The following DSCAM variants were observed in gnomAD, a reference collection of about 807,000 sequenced individuals.
The protein encoded by DSCAM is DS cell adhesion molecule.
DSCAM carries 47 observed loss-of-function variants against 217.7 expected under a neutral mutation model. The observed-to-expected ratio is 0.22, with a 90% confidence interval of 0.17 to 0.28. The LOEUF is 0.28. Ranked by LOEUF, DSCAM falls within the 10% of genes least tolerant of loss-of-function variation. The pLI, the probability that DSCAM is intolerant of heterozygous loss-of-function variation, is 1.00. For missense variants in DSCAM, 2,080 were observed against 2,618.3 expected, an observed-to-expected ratio of 0.79 and a Z score of 4.49; for synonymous variants, 1,056 against 1,015.3, an observed-to-expected ratio of 1.04 and a Z score of -0.76.
At chr21:40,062,325 G>A (rs140867200) in intron 28 of DSCAM, among the ~76,000 whole-genome samples, 1 of 152,292 alleles carries the variant, frequency 6.6e-6, no homozygotes, top group Non-Finnish European at 1.5e-5. Flanking sequence ...GGCAACTACT[G>A]TGCTGGCTAC....
intron 3 of DSCAM, among the ~76,000 whole-genome samples, chr21:40,590,950 G>A (rs1484995258): frequency 2.7e-5 from 4 of 150,696 alleles, no homozygotes; most frequent in East Asian, 1.9e-4. Context: ...TGGTTTGGCC[G>A]TGTCCCCACC....
intron 26 of DSCAM, among the ~76,000 whole-genome samples, chr21:40,077,244 T>C (rs1351349513): frequency 2.6e-5 from 4 of 152,160 alleles, no homozygotes; most frequent in Non-Finnish European, 4.4e-5. Flanking sequence ...GCTCAAGGTC[T>C]TCCTACAGCC....
rs770451823 is a variant in DSCAM, at chr21:40,079,020, G to A, written c.4421-43C>T. The A allele has an allele frequency of 7.5e-6, 12 of 1,590,500 alleles. No homozygotes were observed. In the South Asian group the frequency reaches 1.4e-4, roughly 18 times the overall value. On this transcript the variant is annotated intron_variant, in intron 25 of 32. Transcript: ENST00000400454. ...TGGAGGTCAGCTCACAGGACACATG[G>A]GGAGGCCATCAGCATCTTCACGCAT...
chr21:40,485,367 C>A (rs970918508), intron 3 of DSCAM, among the ~76,000 whole-genome samples: 18 of 151,528 alleles, frequency 1.2e-4, no homozygotes, highest in African/African-American at 4.1e-4. Flanking sequence ...CTCAGCCTCC[C>A]GAGTAGCTGG....
At chr21:40,831,158 C>T (rs937344659) in intron 1 of DSCAM, among the ~76,000 whole-genome samples, 1 of 152,234 alleles carries the variant, frequency 6.6e-6, no homozygotes, top group Non-Finnish European at 1.5e-5. Context: ...GAGAACTGGT[C>T]TATTTTCATC....
At chr21:40,838,746 T>G (rs1391516831) in intron 1 of DSCAM, among the ~76,000 whole-genome samples, 2 of 152,188 alleles carry the variant, frequency 1.3e-5, no homozygotes, top group South Asian at 2.1e-4. Context: ...GCCAATTTCA[T>G]AGTCTGGAGA....
At chr21:40,057,296 T>G (rs964559124) in intron 28 of DSCAM, among the ~76,000 whole-genome samples, 1 of 152,192 alleles carries the variant, frequency 6.6e-6, no homozygotes, top group African/African-American at 2.4e-5. Context: ...ATTCGTTGAT[T>G]TTGTTAAAAA....
chr21:40,704,532 T>C (rs2090691735), intron 2 of DSCAM, among the ~76,000 whole-genome samples: 1 of 151,978 alleles, frequency 6.6e-6, no homozygotes, highest in African/African-American at 2.4e-5. Context: ...CTGGGTAACA[T>C]AGTGAGAATA....
intron 3 of DSCAM, among the ~76,000 whole-genome samples, chr21:40,522,918 A>G (rs8130008): frequency 0.015 from 2,309 of 152,256 alleles, 58 homozygotes; most frequent in African/African-American, 0.048. Context: ...AATGACATTC[A>G]ATGAACAATT....
intron 3 of DSCAM, among the ~76,000 whole-genome samples, chr21:40,665,536 A>T (rs940087558): frequency 6.6e-6 from 1 of 152,096 alleles, no homozygotes; most frequent in Non-Finnish European, 1.5e-5. Flanking sequence ...CAGGGCATAA[A>T]TTCCCTGACC....
intron 3 of DSCAM, among the ~76,000 whole-genome samples, chr21:40,466,001 A>T (rs1206466743): frequency 6.6e-6 from 1 of 152,210 alleles, no homozygotes; most frequent in Non-Finnish European, 1.5e-5. Context: ...TGCCTGCAAA[A>T]ATCTCAAAAA....
intron 20 of DSCAM, among the ~76,000 whole-genome samples, chr21:40,116,515 C>G (rs1242230985): frequency 6.6e-6 from 1 of 152,036 alleles, no homozygotes; most frequent in Non-Finnish European, 1.5e-5. Flanking sequence ...TGACAGGATG[C>G]TGGGGCTACA....
At position 40,339,170 on chromosome 21, in the gene DSCAM, C is replaced by T; in HGVS notation, c.1456G>A (p.Ala486Thr). The T allele has an allele frequency of 6.2e-7, 1 of 1,614,174 alleles. No homozygotes were observed. Among genetic ancestry groups the T allele is most frequent in the Non-Finnish European group, 8.5e-7 (1 of 1,180,028 alleles). ...AGGACGACTCCCGCCGAGTTGTTGG[C>T]AGTGCAGCGGTAGACTCCCCCGTCC... ...VRDGGVYRCT[A>T]NNSAGVVLYQ... is the part of the protein sequence containing the mutation. The change falls in exon 7 of 33, where the codon GCC (alanine) becomes ACC (threonine). Residue 486 changes from alanine to threonine, a missense_variant. Around this residue, in one of 5 missense-constraint regions of DSCAM, gnomAD observed 568 missense variants for 678.1 expected, o/e 0.84. Coordinates refer to ENST00000400454, the MANE Select transcript of DSCAM (RefSeq NM_001389.5).
At position 40,625,663 on chromosome 21, in the gene DSCAM, C is replaced by T. The variant is rs983500150; in HGVS notation, c.508+67147G>A. 1.1e-4 allele frequency among the ~76,000 whole-genome samples: 16 copies of T among 152,316 alleles called. No homozygotes were observed. In the East Asian group the frequency reaches 1.4e-3, roughly 13 times the overall value. On this transcript the variant is annotated intron_variant, in intron 3 of 32. Coordinates refer to ENST00000400454, the MANE Select transcript of DSCAM (RefSeq NM_001389.5). ...TGTGGCCTTCTCAAGGATGTCATTA[C>T]GTCTGTTCTTTTATCTTTCTTGTAT...
chr21:40,516,702 G>A (rs1030268483), intron 3 of DSCAM, among the ~76,000 whole-genome samples: 2 of 152,104 alleles, frequency 1.3e-5, no homozygotes, highest in African/African-American at 2.4e-5. Context: ...AGGTCAGGAA[G>A]GAGAGAAACA....
At chr21:40,819,830 C>A (rs1361602965) in intron 1 of DSCAM, among the ~76,000 whole-genome samples, 1 of 152,200 alleles carries the variant, frequency 6.6e-6, no homozygotes, top group African/African-American at 2.4e-5. Context: ...TTGATCCTCA[C>A]TCCCCTCTTA....
At chr21:40,287,433 G>GGGATGTCCCCT (rs2073842021) in intron 10 of DSCAM, among the ~76,000 whole-genome samples, 1 of 152,284 alleles carries the variant, frequency 6.6e-6, no homozygotes, top group East Asian at 1.9e-4. Context: ...GAAGGTTCCA[G>GGGATGTCCCCT]GGATGTCCCC....
In DSCAM at chr21:40,570,032, C is replaced by G. The variant is rs571027649; in HGVS notation, c.508+122778G>C. Reference sequence around the variant, plus strand: ...TGGATCTCTGCATTCCCCAAGTACCCTGCAGTGGCCTTCAAAGGCTGAGGG... The same window carrying G: ...TGGATCTCTGCATTCCCCAAGTACCGTGCAGTGGCCTTCAAAGGCTGAGGG... On this transcript the variant is annotated intron_variant, in intron 3 of 32. Transcript: ENST00000400454. Among the ~76,000 whole-genome samples the G allele has an allele frequency of 3.9e-5, 6 of 152,232 alleles. 1 individual carries two copies. Among genetic ancestry groups the G allele is most frequent in the African/African-American group, 9.6e-5 (4 of 41,552 alleles).
intron 4 of DSCAM, among the ~76,000 whole-genome samples, chr21:40,367,215 C>A (rs1569087833): frequency 6.6e-6 from 1 of 152,172 alleles, no homozygotes; most frequent in Non-Finnish European, 1.5e-5. Flanking sequence ...TTCTCCTCTG[C>A]TTTTGGAGAT....
Sources: gnomAD v4.1 joint callset for allele counts (sites outside exome capture counted in the v4.1 genomes callset) on GRCh38, gnomAD v4.1.1 for gene constraint, gnomAD v4.1.1 regional missense constraint, MANE v1.5 for transcripts, NCBI Gene and HGNC (gene_info 2026-07-23, HGNC 2026-07-21) for gene names.